PLCH1: variants seen among roughly 807,000 people sequenced by gnomAD.
PLCH1 encodes the protein 1-phosphatidylinositol 4,5-bisphosphate phosphodiesterase eta-1.
A neutral mutation model predicts 126.7 loss-of-function variants in PLCH1; 60 were observed. The observed-to-expected ratio is 0.47, with a 90% CI of 0.38 to 0.59. The LOEUF (loss-of-function observed/expected upper bound fraction) is 0.59. Among genes scored for constraint, PLCH1 ranks in the 20% least tolerant of loss-of-function variants. PLCH1 has a pLI of 0.00. For synonymous variants in PLCH1, 719 were observed against 734.9 expected (o/e 0.98, Z 0.35); for missense variants, 1,723 against 2,040.0 (o/e 0.84, Z 2.99).
At chr3:155,459,497 CAATGTAAATTAAATTGAGTGAA>C in intron 21 of PLCH1, among the ~76,000 whole-genome samples, 1 of 152,126 alleles carries the variant, frequency 6.6e-6, no homozygotes, top group Admixed American at 6.5e-5. Context: ...CCTGGATTCA[CAATGTAAATTAAATTGAGTGAA>C]AATGTAAAGT....
At chr3:155,606,836 A>G (rs1734428661) in intron 2 of PLCH1, among the ~76,000 whole-genome samples, 1 of 152,154 alleles carries the variant, frequency 6.6e-6, no homozygotes, top group Non-Finnish European at 1.5e-5. Context: ...CTTTTAGAGA[A>G]CCTAGGATTC....
At chr3:155,585,283 ACAT>A (rs1345508954) in intron 5 of PLCH1, among the ~76,000 whole-genome samples, 25 of 152,294 alleles carry the variant, frequency 1.6e-4, no homozygotes, top group African/African-American at 6.0e-4. Flanking sequence ...CAAACATTAA[ACAT>A]CATATTGCCC....
At chr3:155,612,580 A>C (rs1210599998) in intron 2 of PLCH1, among the ~76,000 whole-genome samples, 1 of 152,154 alleles carries the variant, frequency 6.6e-6, no homozygotes, top group Non-Finnish European at 1.5e-5. Context: ...TTGAAATGAT[A>C]AACAAAATTG....
intron 2 of PLCH1, among the ~76,000 whole-genome samples, chr3:155,604,927 T>C (rs1168343710): frequency 6.6e-6 from 1 of 152,176 alleles, no homozygotes; most frequent in East Asian, 1.9e-4. Context: ...AAGTCTTAGA[T>C]TGTAGCGAAT....
chr3:155,655,715 G>A (rs954523131), intron 2 of PLCH1, among the ~76,000 whole-genome samples: 14 of 152,228 alleles, frequency 9.2e-5, no homozygotes, highest in African/African-American at 3.4e-4. Context: ...GACATCACCT[G>A]CATGGAAAAG....
At chr3:155,583,369 AC>A in intron 6 of PLCH1, 102 bp downstream of exon 6, 1 of 900,562 alleles carries the variant, frequency 1.1e-6, no homozygotes, top group Non-Finnish European at 1.7e-6. Context: ...GATATTTACC[AC>A]CTTTGCAAAA....
At chr3:155,560,139 G>T (rs57617660) in intron 8 of PLCH1, among the ~76,000 whole-genome samples, 3,306 of 152,254 alleles carry the variant, frequency 0.022, 82 homozygotes, top group African/African-American at 0.061. Context: ...AATTAACAAA[G>T]TTGTAAAATT....
chr3:155,575,517 C>T (rs1336102407), intron 6 of PLCH1, among the ~76,000 whole-genome samples: 2 of 152,134 alleles, frequency 1.3e-5, no homozygotes, highest in African/African-American at 2.4e-5. Flanking sequence ...GGCCCTGTAG[C>T]AGGGAAACAG....
chr3:155,679,772 T>C (rs1001720462), intron 2 of PLCH1, among the ~76,000 whole-genome samples: 2 of 152,208 alleles, frequency 1.3e-5, no homozygotes, highest in Non-Finnish European at 2.9e-5. Context: ...TTATCTTCCC[T>C]AATCTTCATG....
At chr3:155,553,872 G>A (rs1726457475) in intron 9 of PLCH1, among the ~76,000 whole-genome samples, 1 of 152,196 alleles carries the variant, frequency 6.6e-6, no homozygotes, top group South Asian at 2.1e-4. Context: ...ATGGGACAAG[G>A]AATAAATGCA....
At position 155,494,324 on chromosome 3, in the gene PLCH1, C is replaced by G; in HGVS notation, c.2074+14G>C. ...GAATATACAGAGAACCACTCCTTCC[C>G]AAGGAATACACACCTAGCTGGCAGC... On this transcript the variant is annotated intron_variant, in intron 16 of 22. Transcript: ENST00000460012. The G allele has an allele frequency of 2.5e-6, 4 of 1,613,810 alleles. No homozygotes were observed. Among genetic ancestry groups the G allele is most frequent in the Non-Finnish European group, 3.4e-6 (4 of 1,179,742 alleles).
chr3:155,581,232 T>A (rs1441709123), intron 6 of PLCH1, among the ~76,000 whole-genome samples: 1 of 152,190 alleles, frequency 6.6e-6, no homozygotes. Flanking sequence ...ATAAAGTCCT[T>A]GCAATATCCA....
At chr3:155,729,676 C>T (rs1054271381) in intron 1 of PLCH1, among the ~76,000 whole-genome samples, 2 of 152,156 alleles carry the variant, frequency 1.3e-5, no homozygotes, top group African/African-American at 4.8e-5. Context: ...GTAATTCCAA[C>T]ACTTTAGGAG....
chr3:155,626,329 A>T (rs1737242727), intron 2 of PLCH1, among the ~76,000 whole-genome samples: 1 of 152,160 alleles, frequency 6.6e-6, no homozygotes, highest in African/African-American at 2.4e-5. Context: ...GAAATAAGAC[A>T]CATATTTCAA....
At chr3:155,733,949 A>ATG (rs1489887417) in intron 1 of PLCH1, among the ~76,000 whole-genome samples, 6 of 74,196 alleles carry the variant, frequency 8.1e-5, no homozygotes, top group Non-Finnish European at 1.5e-4. Context: ...ATATATATAT[A>ATG]TATATATATA....
At chr3:155,669,632 G>A (rs1308113757) in intron 2 of PLCH1, among the ~76,000 whole-genome samples, 2 of 151,972 alleles carry the variant, frequency 1.3e-5, no homozygotes, top group Admixed American at 6.6e-5. Flanking sequence ...AACCATCAGT[G>A]AGAACATAAG....
At chr3:155,488,202 TTC>T in intron 20 of PLCH1, 95 bp from the exon 21 acceptor site, 1 of 710,962 alleles carries the variant, frequency 1.4e-6, no homozygotes, top group Non-Finnish European at 2.5e-6. Flanking sequence ...TTGACTGTAG[TTC>T]TTTTTTTTTT....
chr3:155,616,666 C>T (rs968446790), intron 2 of PLCH1, among the ~76,000 whole-genome samples: 3 of 152,072 alleles, frequency 2.0e-5, no homozygotes, highest in Non-Finnish European at 4.4e-5. Context: ...TTTCTGCTTG[C>T]CTACAGGAAA....
chr3:155,645,375 T>C (rs575891307), intron 2 of PLCH1, among the ~76,000 whole-genome samples: 1 of 152,278 alleles, frequency 6.6e-6, no homozygotes, highest in South Asian at 2.1e-4. Flanking sequence ...GATCCTGGCA[T>C]AGCCTCACCT....
Sources: allele counts gnomAD v4.1 joint callset (sites outside exome capture counted in the v4.1 genomes callset), GRCh38; gene constraint gnomAD v4.1.1; transcripts MANE v1.5; gene names NCBI Gene and HGNC (gene_info 2026-07-23, HGNC 2026-07-21).